Variants in PAMR1 observed in about 807,000 individuals in gnomAD.
PAMR1 encodes the protein peptidase domain containing associated with muscle regeneration 1, also known as inactive serine protease PAMR1.
PAMR1 carries 88 observed loss-of-function variants against 81.8 expected under a neutral mutation model. That is an observed-to-expected ratio of 1.08 (90% CI 0.91 to 1.28). The LOEUF is 1.28. PAMR1 is among the 50% of genes most tolerant of loss of function. The probability of loss-of-function intolerance (pLI) is 0.00; values close to 1 mark genes in which losing one functional copy is unlikely to be tolerated. For missense variants in PAMR1, 935 were observed against 919.7 expected (o/e 1.02, Z -0.21); for synonymous variants, 336 against 345.3 (o/e 0.97, Z 0.30).
chr11:35,517,796 G>A (rs656009), intron 1 of PAMR1, among the ~76,000 whole-genome samples: 65,476 of 152,030 alleles, frequency 0.43, 15,645 homozygotes, highest in East Asian at 0.69. Context: ...ACTTTGTCCT[G>A]TTCATCTTGA....
chr11:35,473,108 G>A (rs948711572), intron 4 of PAMR1, among the ~76,000 whole-genome samples: 2 of 152,150 alleles, frequency 1.3e-5, no homozygotes, highest in African/African-American at 2.4e-5. Flanking sequence ...TATTTTTCAA[G>A]CAGGAAAATA....
Position 35,525,498 on chromosome 11 carries a change from C to A in PAMR1, c.73+15G>T, listed in dbSNP as rs1851368937. 1 of 1,611,142 alleles carries A rather than the reference C, an allele frequency of 6.2e-7. No individual in the cohort carries two copies. The highest frequency in any genetic ancestry group is 1.7e-5 in the Admixed American group (1 of 59,954). ...GGGTGTCCTCCTAGGGTGTCCCGGACGCTACTCACAGTACCTCTTGGCAAG... is the reference window on the plus strand; with the variant it reads ...GGGTGTCCTCCTAGGGTGTCCCGGAAGCTACTCACAGTACCTCTTGGCAAG... On this transcript the variant is annotated intron_variant, in intron 1 of 10. Transcript: ENST00000619888.
intron 1 of PAMR1, among the ~76,000 whole-genome samples, chr11:35,502,429 G>A (rs1850865257): frequency 6.6e-6 from 1 of 151,992 alleles, no homozygotes; most frequent in South Asian, 2.1e-4. Context: ...TCCTCTAACA[G>A]GCCCCAGTGT....
intron 1 of PAMR1, among the ~76,000 whole-genome samples, chr11:35,523,095 C>T (rs751750380): frequency 5.3e-5 from 8 of 152,282 alleles, no homozygotes; most frequent in African/African-American, 1.2e-4. Flanking sequence ...TCATGATCCC[C>T]GCAAAAATCC....
At chr11:35,521,098 C>T (rs1851267504) in intron 1 of PAMR1, among the ~76,000 whole-genome samples, 1 of 152,158 alleles carries the variant, frequency 6.6e-6, no homozygotes, top group Non-Finnish European at 1.5e-5. Context: ...GGTTATTGAC[C>T]CAGATATAAC....
intron 8 of PAMR1, among the ~76,000 whole-genome samples, chr11:35,438,209 C>T (rs1856092717): frequency 6.6e-6 from 1 of 152,162 alleles, no homozygotes; most frequent in Admixed American, 6.5e-5. Flanking sequence ...TGATGTTGGA[C>T]AAGTTACTTA....
intron 5 of PAMR1, among the ~76,000 whole-genome samples, chr11:35,470,052 A>G (rs533915973): frequency 3.2e-4 from 49 of 152,330 alleles, no homozygotes; most frequent in African/African-American, 8.2e-4. Flanking sequence ...GGGTAAATGT[A>G]TGCCTAGGGT....
At chr11:35,451,034 G>C (rs1237384185) in intron 6 of PAMR1, among the ~76,000 whole-genome samples, 1 of 152,238 alleles carries the variant, frequency 6.6e-6, no homozygotes, top group African/African-American at 2.4e-5. Context: ...GGAATACTGA[G>C]AGAAAATGAA....
At chr11:35,439,566 G>A (rs1856119627) in intron 8 of PAMR1, 61 bp downstream of exon 8, 1 of 1,318,458 alleles carries the variant, frequency 7.6e-7, no homozygotes, top group Non-Finnish European at 1.1e-6. Flanking sequence ...AGTGGGGAAG[G>A]GGAATGGAAG....
At chr11:35,493,625 T>C (rs937915474) in intron 2 of PAMR1, among the ~76,000 whole-genome samples, 6 of 152,158 alleles carry the variant, frequency 3.9e-5, no homozygotes, top group Admixed American at 3.3e-4. Context: ...CCCATCAGCA[T>C]GCTCACCACC....
At position 35,443,226 on chromosome 11, in the gene PAMR1, C is replaced by T. The variant is rs1002083293; in HGVS notation, c.821-1533G>A. On this transcript the variant is annotated intron_variant, in intron 6 of 10. Transcript: ENST00000619888. The stretch of plus-strand genomic sequence containing the variant: ...TTTTTATTTTTATTTTATTAAGCTC[C>T]GGATACAGGTGCAGGATGTTCAGGT... Among the ~76,000 whole-genome samples the T allele has an allele frequency of 1.8e-4, 28 of 151,642 alleles. No homozygotes were observed. In the South Asian group the frequency reaches 1.9e-3, roughly 10 times the overall value.
intron 6 of PAMR1, among the ~76,000 whole-genome samples, chr11:35,466,498 C>T (rs1452534338): frequency 5.9e-5 from 9 of 151,952 alleles, no homozygotes; most frequent in Admixed American, 2.6e-4. Context: ...GAGGCCGAGG[C>T]GGGTGGATCA....
At position 35,476,785 on chromosome 11, in the gene PAMR1, T is replaced by C. The variant is rs527424170; in HGVS notation, c.380-2041A>G. Among the ~76,000 whole-genome samples the C allele has an allele frequency of 4.6e-5, 7 of 152,180 alleles. No individual in the cohort carries two copies. The South Asian group carries it at 1.5e-3, about 32-fold the overall frequency. On this transcript the variant is annotated intron_variant, in intron 3 of 10. Coordinates refer to ENST00000619888, the MANE Select transcript of PAMR1 (RefSeq NM_001001991.3). ...CCACTGTGCAGACACCTTCCTATGT[T>C]ATTTGCAGCTCTGCCTTGCTGGCTG...
At chr11:35,436,637 G>GTT (rs1321009145) in intron 8 of PAMR1, among the ~76,000 whole-genome samples, 3 of 142,558 alleles carry the variant, frequency 2.1e-5, no homozygotes, top group South Asian at 2.3e-4. Context: ...CTGTCTCTCT[G>GTT]TTTCTCTCTC....
intron 3 of PAMR1, among the ~76,000 whole-genome samples, chr11:35,483,617 C>T (rs964455951): frequency 1.3e-5 from 2 of 152,192 alleles, no homozygotes; most frequent in African/African-American, 4.8e-5. Context: ...TGAAGCATCC[C>T]GAATCTCTTG....
intron 1 of PAMR1, among the ~76,000 whole-genome samples, chr11:35,495,772 T>A (rs1005313188): frequency 1.3e-5 from 2 of 152,164 alleles, no homozygotes; most frequent in Non-Finnish European, 2.9e-5. Flanking sequence ...CTCTCAATTT[T>A]CCAAGTAGAG....
At chr11:35,477,226 T>C (rs1850300633) in intron 3 of PAMR1, among the ~76,000 whole-genome samples, 1 of 152,222 alleles carries the variant, frequency 6.6e-6, no homozygotes, top group African/African-American at 2.4e-5. Flanking sequence ...GGATCTTTTC[T>C]AGCTTGTACA....
In PAMR1 at chr11:35,457,622, G is replaced by A. The variant is rs550199488; in HGVS notation, c.820+10379C>T. 9.9e-5 allele frequency among the ~76,000 whole-genome samples: 15 copies of A among 152,258 alleles called. No individual in the cohort carries two copies. The South Asian group carries it at 3.1e-3, about 32-fold the overall frequency. On this transcript the variant is annotated intron_variant, in intron 6 of 10. Coordinates refer to ENST00000619888, the MANE Select transcript of PAMR1 (RefSeq NM_001001991.3). Reference sequence around the variant, plus strand: ...GGAAACACCTTCATGAGGTGTCTTAGGTTGGGTTCTCCTAGAAGCCGCCTG... The same window carrying A: ...GGAAACACCTTCATGAGGTGTCTTAAGTTGGGTTCTCCTAGAAGCCGCCTG...
At chr11:35,448,950 C>A (rs113888189) in intron 6 of PAMR1, among the ~76,000 whole-genome samples, 5,677 of 152,272 alleles carry the variant, frequency 0.037, 360 homozygotes, top group African/African-American at 0.13. Flanking sequence ...TGGGTCCCTC[C>A]CACACCTGGA....
Sources: gnomAD v4.1 joint callset for allele counts (sites outside exome capture counted in the v4.1 genomes callset) on GRCh38, gnomAD v4.1.1 for gene constraint, MANE v1.5 for transcripts, NCBI Gene and HGNC (gene_info 2026-07-23, HGNC 2026-07-21) for gene names.